Variants in C2 observed in about 807,000 individuals in gnomAD.
The protein encoded by C2 is C3/C5 convertase.
A neutral mutation model predicts 85.2 loss-of-function variants in C2; 64 were observed. The observed-to-expected ratio is 0.75, with a 90% CI of 0.61 to 0.92. C2 has a LOEUF of 0.92. C2 is among the 40% of genes least tolerant of loss of function. The pLI is 0.00. For synonymous variants in C2, 311 were observed against 370.8 expected (o/e 0.84, Z 1.85); for missense variants, 820 against 971.6 (o/e 0.84, Z 2.07).
At chr6:31,927,499 G>T, upstream of C2, 1 of 1,430,596 alleles carries the variant, frequency 7.0e-7, no homozygotes, top group Non-Finnish European at 9.1e-7. This position sits in a 1 kb window ranked among gnomAD's most constrained non-coding sequence, Gnocchi z 4.7. Context: ...AGTACACAAA[G>T]CCTGTGGGGG....
intron 8 of C2, among the ~76,000 whole-genome samples, chr6:31,938,472 G>A (rs1962730): frequency 1.5e-5 from 2 of 136,308 alleles, no homozygotes; most frequent in African/African-American, 2.9e-5. Context: ...ATATATATAT[G>A]TATACATACA....
intron 6 of C2, 178 bp downstream of exon 6, chr6:31,934,477 C>T (rs776239672): frequency 1.8e-5 from 22 of 1,221,424 alleles, no homozygotes; most frequent in Non-Finnish European, 2.2e-5. Flanking sequence ...ATTTTTATTC[C>T]ACAAGCACTG....
chr6:31,932,190 G>A lies in C2; in HGVS notation c.443-1420G>A, dbSNP rs559062994. Among the ~76,000 whole-genome samples the A allele has an allele frequency of 4.1e-3, 605 of 146,710 alleles. 5 individuals carry two copies. Among genetic ancestry groups the A allele is most frequent in the Middle Eastern group, 0.018 (5 of 282 alleles). ...TGGCTCCTCACTTCCCAGTAGGGGCGGCCGGGCAGAGGCGCCCCTCACTTC... is the reference window on the plus strand; with the variant it reads ...TGGCTCCTCACTTCCCAGTAGGGGCAGCCGGGCAGAGGCGCCCCTCACTTC... On this transcript the variant is annotated intron_variant, in intron 3 of 17. Transcript: ENST00000299367.
chr6:31,924,671 G>GT (rs1769164388), upstream of C2, among the ~76,000 whole-genome samples: 1 of 152,130 alleles, frequency 6.6e-6, no homozygotes, highest in Non-Finnish European at 1.5e-5. Context: ...GAAGGCAGCT[G>GT]TTACATATTA....
At position 31,945,308 on chromosome 6, in the gene C2, C is replaced by T; in HGVS notation, c.2210C>T (p.Pro737Leu). 1.2e-6 allele frequency: 2 copies of T among 1,613,036 alleles called. No individual in the cohort carries two copies. The highest frequency in any genetic ancestry group is 3.3e-4 in the Middle Eastern group (2 of 6,062). The change falls in exon 18 of 18, where the codon CCC becomes CTC. Residue 737 changes from proline to leucine, a missense_variant. Coordinates refer to ENST00000299367, the MANE Select transcript of C2 (RefSeq NM_000063.6). This position sits in a 1 kb window ranked among gnomAD's most constrained non-coding sequence, Gnocchi z 5.3. The stretch of plus-strand genomic sequence containing the variant: ...CACATCAATCTCTTCCGCATGCAGC[C>T]CTGGCTGAGGCAGCACCTGGGGGAT... ...DFHINLFRMQ[P>L]WLRQHLGDVL...
At chr6:31,923,926 A>G (rs1401361218), upstream of C2, among the ~76,000 whole-genome samples, 1 of 151,788 alleles carries the variant, frequency 6.6e-6, no homozygotes, top group Non-Finnish European at 1.5e-5. Flanking sequence ...CAGCCTCCCG[A>G]GTAGCTGGGA....
chr6:31,942,875 C>T, intron 9 of C2, 84 bp from the exon 10 acceptor site: 1 of 1,568,114 alleles, frequency 6.4e-7, no homozygotes, highest in Non-Finnish European at 8.7e-7. Context: ...TGATTGGACA[C>T]AGTGAGTTTC....
At chr6:31,900,556 G>A (rs1187840766), upstream of C2, 2 of 1,611,806 alleles carry the variant, frequency 1.2e-6, no homozygotes, top group African/African-American at 1.3e-5. This position sits in a 1 kb window ranked among gnomAD's most constrained non-coding sequence, Gnocchi z 9.7. Flanking sequence ...TGGGGGGAAC[G>A]CTGCTCTGGG....
upstream of C2, chr6:31,899,744 C>T (rs1581989134): frequency 1.5e-6 from 1 of 651,272 alleles, no homozygotes; most frequent in Non-Finnish European, 2.5e-6. Flanking sequence ...CAGATTCTTG[C>T]ACTCTCAAGA....
At chr6:31,908,870 A>C (rs28732165) in intron 1 of C2, among the ~76,000 whole-genome samples, 3,747 of 152,162 alleles carry the variant, frequency 0.025, 85 homozygotes, top group South Asian at 0.057. Flanking sequence ...GCTATTGCAC[A>C]CTGAATAGAC....
In C2 at chr6:31,904,302, T is replaced by G. The variant is rs1164998709; in HGVS notation, c.73+3163T>G. On this transcript the variant is annotated intron_variant, in intron 1 of 3. Coordinates refer to the C2 transcript ENST00000452202. This position sits in a 1 kb window ranked among gnomAD's most constrained non-coding sequence, Gnocchi z 4.4. ...CTATGAAATTTTCAAAAGAATTTTA[T>G]TTTATTTTAATTAATTAATTAATTT... Among the ~76,000 whole-genome samples, 2 of 151,992 alleles carry G rather than the reference T, an allele frequency of 1.3e-5. No homozygotes were observed. The highest frequency in any genetic ancestry group is 2.9e-5 in the Non-Finnish European group (2 of 68,026).
upstream of C2, chr6:31,927,688 G>C: frequency 1.2e-6 from 2 of 1,612,416 alleles, no homozygotes; most frequent in Non-Finnish European, 1.7e-6. This position sits in a 1 kb window ranked among gnomAD's most constrained non-coding sequence, Gnocchi z 4.7. Flanking sequence ...TCTAGTTTTC[G>C]GGAAGTCAGA....
At chr6:31,940,802 G>A (rs1342814299) in intron 9 of C2, among the ~76,000 whole-genome samples, 1 of 152,336 alleles carries the variant, frequency 6.6e-6, no homozygotes, top group South Asian at 2.1e-4. Flanking sequence ...CACAAGGCAC[G>A]ATCGTTGTCT....
At position 31,943,961 on chromosome 6, in the gene C2, G is replaced by C. The variant is rs150878060; in HGVS notation, c.1778G>C (p.Arg593Pro). The C allele has an allele frequency of 6.2e-7, 1 of 1,612,984 alleles. No homozygotes were observed. Among genetic ancestry groups the C allele is most frequent in the African/African-American group, 1.3e-5 (1 of 75,030 alleles). Reference sequence around the variant, plus strand: ...ACGATGGAGGCCAATCTGGCTCTGCGGAGACCTCAAGGCAGCACCTGTAGG... The same window carrying C: ...ACGATGGAGGCCAATCTGGCTCTGCCGAGACCTCAAGGCAGCACCTGTAGG... ...PCTMEANLAL[R>P]RPQGSTCRDH... is the part of the protein sequence containing the mutation. The change falls in exon 14 of 18, where the codon CGG becomes CCG. Residue 593 changes from arginine (R) to proline (P), a missense_variant. Arg to Pro is a moderately radical substitution (Grantham distance 103, BLOSUM62 -2). Transcript: ENST00000299367. This position sits in a 1 kb window ranked among gnomAD's most constrained non-coding sequence, Gnocchi z 6.4.
intron 3 of C2, among the ~76,000 whole-genome samples, chr6:31,932,104 G>A (rs1769859632): frequency 7.5e-6 from 1 of 133,156 alleles, no homozygotes; most frequent in Middle Eastern, 3.6e-3. Context: ...TGGGGCGGCT[G>A]GCCGGGCGAG....
At chr6:31,929,739 A>G (rs1467432916) in intron 3 of C2, among the ~76,000 whole-genome samples, 1 of 147,876 alleles carries the variant, frequency 6.8e-6, no homozygotes, top group Non-Finnish European at 1.5e-5. Context: ...AAAAAAAAAA[A>G]AATGCCAGCC....
chr6:31,939,172 C>T (rs1187280452), intron 8 of C2, 59 bp from the exon 9 acceptor site: 1 of 1,226,546 alleles, frequency 8.2e-7, no homozygotes, highest in African/African-American at 1.5e-5. Context: ...TCCTACTCTT[C>T]CAGGGCCTGG....
chr6:31,922,682 A>G lies in C2; in HGVS notation c.-100+2656A>G, dbSNP rs1769050820. Reference sequence around the variant, plus strand: ...CATGGTGAAACCCCATCTCTACTAAAAATACAAAAATTAGCTGGGCATGGT... The same window carrying G: ...CATGGTGAAACCCCATCTCTACTAAGAATACAAAAATTAGCTGGGCATGGT... On this transcript the variant is annotated intron_variant, in intron 1 of 3. Transcript: ENST00000413154. This position sits in a 1 kb window ranked among gnomAD's most constrained non-coding sequence, Gnocchi z 4.8. Among the ~76,000 whole-genome samples the G allele has an allele frequency of 6.6e-6, 1 of 152,110 alleles. No homozygotes were observed. Among genetic ancestry groups the G allele is most frequent in the Non-Finnish European group, 1.5e-5 (1 of 68,034 alleles).
intron 1 of C2, among the ~76,000 whole-genome samples, chr6:31,912,367 T>G (rs1018652497): frequency 6.6e-6 from 1 of 152,232 alleles, no homozygotes; most frequent in Non-Finnish European, 1.5e-5. Flanking sequence ...CACTGTTTGA[T>G]CCACTGCTTT....
Sources: gnomAD v4.1 joint callset for allele counts (sites outside exome capture counted in the v4.1 genomes callset) on GRCh38, gnomAD v4.1.1 for gene constraint, Gnocchi (gnomAD v3.1) non-coding constraint, MANE v1.5 for transcripts, NCBI Gene and HGNC (gene_info 2026-07-23, HGNC 2026-07-21) for gene names.